The following ADGRG6 variants were observed in gnomAD, a reference collection of about 807,000 sequenced individuals.
ADGRG6 encodes G-protein coupled receptor 126.
ADGRG6 carries 84 observed loss-of-function variants against 142.4 expected under a neutral mutation model. That is an observed-to-expected ratio of 0.59 (90% CI 0.49 to 0.71). The LOEUF (loss-of-function observed/expected upper bound fraction) is 0.71. ADGRG6 is among the 30% of genes least tolerant of loss of function. The pLI is 0.00. For missense variants in ADGRG6, 1,367 were observed against 1,466.6 expected, an observed-to-expected ratio of 0.93 and a Z score of 1.11; for synonymous variants, 521 against 520.5, an observed-to-expected ratio of 1.00 and a Z score of -0.01.
intron 13 of ADGRG6, among the ~76,000 whole-genome samples, 199 bp downstream of exon 13, chr6:142,403,029 A>G (rs1451729751): frequency 6.6e-6 from 1 of 151,970 alleles, no homozygotes; most frequent in Non-Finnish European, 1.5e-5. Context: ...GAGAAATACA[A>G]TTTACAATAT....
At chr6:142,345,939 T>C (rs1407707715) in intron 2 of ADGRG6, among the ~76,000 whole-genome samples, 1 of 152,196 alleles carries the variant, frequency 6.6e-6, no homozygotes, top group African/African-American at 2.4e-5. Flanking sequence ...GAAAAAACAT[T>C]AGTAGATGAC....
chr6:142,394,510 C>T (rs1583085028), intron 9 of ADGRG6, among the ~76,000 whole-genome samples: 1 of 151,710 alleles, frequency 6.6e-6, no homozygotes, highest in South Asian at 2.1e-4. Context: ...AACAAAAAAA[C>T]CCTAAATTTC....
intron 4 of ADGRG6, among the ~76,000 whole-genome samples, chr6:142,373,300 G>C (rs183428590): frequency 6.6e-6 from 1 of 151,724 alleles, no homozygotes; most frequent in Non-Finnish European, 1.5e-5. Flanking sequence ...CAGGGGAGAA[G>C]TATGAAGGTC....
chr6:142,342,424 T>C (rs924498935), intron 2 of ADGRG6, among the ~76,000 whole-genome samples: 1 of 152,162 alleles, frequency 6.6e-6, no homozygotes, highest in Non-Finnish European at 1.5e-5. Flanking sequence ...ATGATTTTTA[T>C]TGTTCCATGG....
chr6:142,347,967 A>G (rs1380945123), intron 2 of ADGRG6, among the ~76,000 whole-genome samples: 2 of 152,188 alleles, frequency 1.3e-5, no homozygotes, highest in Non-Finnish European at 2.9e-5. Context: ...TAAAATCTAA[A>G]CATAAAGGTT....
intron 18 of ADGRG6, among the ~76,000 whole-genome samples, chr6:142,412,240 G>A (rs148681773): frequency 6.6e-6 from 1 of 152,220 alleles, no homozygotes; most frequent in African/African-American, 2.4e-5. Flanking sequence ...GGTATGCTCT[G>A]GGTTGTAGCA....
chr6:142,442,808 T>C (rs1423241432), intron 24 of ADGRG6, among the ~76,000 whole-genome samples: 2 of 152,174 alleles, frequency 1.3e-5, no homozygotes, highest in East Asian at 3.9e-4. Flanking sequence ...TAAATTTAAT[T>C]TTATAAAATT....
intron 13 of ADGRG6, among the ~76,000 whole-genome samples, chr6:142,403,525 G>C (rs1362643575): frequency 6.6e-6 from 1 of 152,042 alleles, no homozygotes; most frequent in Admixed American, 6.6e-5. Context: ...GGAAAAGAGA[G>C]GCTAAAATAA....
At chr6:142,422,265 A>G (rs959987089) in intron 22 of ADGRG6, among the ~76,000 whole-genome samples, 1 of 151,882 alleles carries the variant, frequency 6.6e-6, no homozygotes, top group Admixed American at 6.6e-5. Flanking sequence ...CTGCACCCAC[A>G]AACTCGTCAT....
At chr6:142,318,025 TTA>T (rs1219860219) in intron 2 of ADGRG6, among the ~76,000 whole-genome samples, 2 of 53,378 alleles carry the variant, frequency 3.7e-5, no homozygotes, top group Non-Finnish European at 6.0e-5. Flanking sequence ...GTTATATATA[TTA>T]TATATAATAT....
At chr6:142,388,823 T>C (rs1359500625) in intron 6 of ADGRG6, among the ~76,000 whole-genome samples, 1 of 152,058 alleles carries the variant, frequency 6.6e-6, no homozygotes, top group African/African-American at 2.4e-5. Flanking sequence ...AGCTTCTGTA[T>C]AGTCACAGAA....
intron 20 of ADGRG6, 77 bp downstream of exon 20, chr6:142,416,141 T>A (rs1031567892): frequency 1.8e-6 from 2 of 1,102,944 alleles, no homozygotes; most frequent in African/African-American, 1.6e-5. Context: ...AAAATCTTAT[T>A]TAAAAAAAAA....
intron 3 of ADGRG6, 143 bp downstream of exon 3, chr6:142,368,053 T>C (rs918674083): frequency 1.6e-6 from 1 of 607,916 alleles, no homozygotes; most frequent in Non-Finnish European, 2.9e-6. Context: ...AATCTGTTAA[T>C]ATTCTCTGAG....
rs765274988 is a variant in ADGRG6, at chr6:142,402,058, A to C, written c.1744A>C (p.Lys582Gln). Residue 582 changes from lysine to glutamine, a missense_variant and splice_region_variant, in exon 12 of 25, where the codon AAA (lysine) becomes CAA (glutamine). Physicochemically the swap from Lys to Gln is moderately conservative, Grantham distance 53 (BLOSUM62 1). This residue lies in a region of ADGRG6 where 737 missense variants were observed against 746.5 expected (regional missense o/e 0.99). Coordinates refer to ENST00000367609, the MANE Select transcript of ADGRG6 (RefSeq NM_198569.3). ...WGPVDISNCL[K>Q]EANEVANQIL... ...ACCTGTTGATATCTCCAACTGTTTA[A>C]GTAAGTGAGCAGTTTTCCTTTATTT... is the stretch of plus-strand genomic sequence containing the variant. The C allele has an allele frequency of 1.9e-5, 28 of 1,494,748 alleles. 1 individual carries two copies. The Admixed American group carries it at 5.0e-4, about 26-fold the overall frequency. 92.6% of individuals were successfully genotyped at this position (1,494,748 alleles called of 1,614,324 possible). A position where few individuals can be genotyped will look rare whatever the true frequency, so the allele number is the denominator to read the frequency against.
At chr6:142,433,530 G>A (rs1295698540) in intron 22 of ADGRG6, among the ~76,000 whole-genome samples, 1 of 152,136 alleles carries the variant, frequency 6.6e-6, no homozygotes, top group Non-Finnish European at 1.5e-5. Context: ...CGTACTTCCT[G>A]GGAAGGAGGA....
Position 142,406,365 on chromosome 6 carries a change from A to T in ADGRG6, c.2268+537A>T, listed in dbSNP as rs1775808161. On this transcript the variant is annotated intron_variant, in intron 15 of 24. Transcript: ENST00000367609. ...TCATTTTTATTGGCATCATTTCTAG[A>T]TTCTAGAAGGCCCACTGCCAGCAAA... Among the ~76,000 whole-genome samples, 5 of 152,180 alleles carry T rather than the reference A, an allele frequency of 3.3e-5. No homozygotes were observed. The South Asian group carries it at 1.0e-3, about 31-fold the overall frequency.
At chr6:142,391,434 TACACACACACACAC>T (rs35253608) in intron 7 of ADGRG6, among the ~76,000 whole-genome samples, 39 of 132,462 alleles carry the variant, frequency 2.9e-4, no homozygotes, top group South Asian at 2.6e-3. Flanking sequence ...AAGTGGTAGC[TACACACACACACAC>T]ACACACACAC....
At chr6:142,379,520 C>T (rs573405387) in intron 4 of ADGRG6, among the ~76,000 whole-genome samples, 10 of 152,182 alleles carry the variant, frequency 6.6e-5, no homozygotes, top group African/African-American at 1.2e-4. Context: ...GTAATCCCAG[C>T]GCTTTGGGAG....
At chr6:142,425,573 T>C (rs1214579214) in intron 22 of ADGRG6, among the ~76,000 whole-genome samples, 1 of 152,126 alleles carries the variant, frequency 6.6e-6, no homozygotes, top group African/African-American at 2.4e-5. Flanking sequence ...GCTAAACATA[T>C]TTTAGTCCCT....
Sources: allele counts gnomAD v4.1 joint callset (sites outside exome capture counted in the v4.1 genomes callset), GRCh38; gene constraint gnomAD v4.1.1; regional missense constraint gnomAD v4.1.1; transcripts MANE v1.5; gene names NCBI Gene and HGNC (gene_info 2026-07-23, HGNC 2026-07-21).